Variants in RNLS observed in about 807,000 individuals in gnomAD.
RNLS encodes the protein renalase.
Under a neutral mutation model 39.8 loss-of-function variants are expected in RNLS, and 39 were observed. That is an observed-to-expected ratio of 0.98 (90% CI 0.76 to 1.28). The LOEUF (loss-of-function observed/expected upper bound fraction) is 1.28, where lower values mean the gene tolerates loss of function less well. Ranked by LOEUF, RNLS falls within the 50% of genes most tolerant of loss-of-function variation. RNLS has a pLI of 0.00. For synonymous variants in RNLS, 147 were observed against 150.7 expected (o/e 0.98, Z 0.18); for missense variants, 410 against 413.3 (o/e 0.99, Z 0.07).
the RNLS span, among the ~76,000 whole-genome samples, chr10:88,213,951 A>G: frequency 6.6e-6 from 1 of 152,204 alleles, no homozygotes; most frequent in Non-Finnish European, 1.5e-5. Context: ...CTTAAACAAA[A>G]AGGGAATTCA....
chr10:88,496,172 G>C (rs1440829060), intron 4 of RNLS, among the ~76,000 whole-genome samples: 1 of 152,042 alleles, frequency 6.6e-6, no homozygotes, highest in African/African-American at 2.4e-5. Context: ...ATCTATGAAA[G>C]GTAGAGAGCA....
intron 4 of RNLS, among the ~76,000 whole-genome samples, chr10:88,415,551 A>T (rs1853964564): frequency 6.6e-6 from 1 of 152,194 alleles, no homozygotes; most frequent in Non-Finnish European, 1.5e-5. Context: ...GAAAAACTAA[A>T]AAAATAAAAG....
intron 4 of RNLS, among the ~76,000 whole-genome samples, chr10:88,554,659 T>A (rs1194540055): frequency 2.0e-5 from 3 of 151,908 alleles, no homozygotes; most frequent in Non-Finnish European, 2.9e-5. Flanking sequence ...AAAAGTATCA[T>A]CTATCTGTGT....
At chr10:88,443,215 A>AT (rs1841830094) in intron 4 of RNLS, among the ~76,000 whole-genome samples, 1 of 152,054 alleles carries the variant, frequency 6.6e-6, no homozygotes, top group Non-Finnish European at 1.5e-5. Context: ...ATGCAATCCA[A>AT]TTTTTTACAT....
At chr10:88,175,207 T>G in the RNLS span, among the ~76,000 whole-genome samples, 2 of 152,120 alleles carry the variant, frequency 1.3e-5, no homozygotes, top group South Asian at 2.1e-4. Context: ...AAAAAATGAA[T>G]TTTTTGTTCA....
At chr10:88,222,336 T>C in the RNLS span, among the ~76,000 whole-genome samples, 11 of 152,148 alleles carry the variant, frequency 7.2e-5, no homozygotes, top group Non-Finnish European at 1.2e-4. Context: ...TTCTGTGTTA[T>C]GGCTAGTAGG....
chr10:88,217,737 T>TAAAAAAA, the RNLS span, among the ~76,000 whole-genome samples: 3 of 22,416 alleles, frequency 1.3e-4, no homozygotes, highest in African/African-American at 7.2e-4. Context: ...TGCCTTCAAA[T>TAAAAAAA]GAAAAAAAAA....
chr10:88,333,366 T>C (rs967990023), intron 5 of RNLS, among the ~76,000 whole-genome samples: 2 of 152,232 alleles, frequency 1.3e-5, no homozygotes, highest in African/African-American at 4.8e-5. Context: ...ACTGCTTTGG[T>C]ATCAGAACTG....
chr10:88,536,037 G>A lies in RNLS; in HGVS notation c.526+36866C>T, dbSNP rs2134261301. On this transcript the variant is annotated intron_variant, in intron 4 of 6. Transcript: ENST00000331772. ...GTATCTAGAGGTGATAAGGAGCATG[G>A]ACTTTCCAATCAGACAGGCCTGAGT... Among the ~76,000 whole-genome samples, 2 of 152,250 alleles carry A rather than the reference G, an allele frequency of 1.3e-5. 1 individual carries two copies. The highest frequency in any genetic ancestry group is 4.8e-5 in the African/African-American group (2 of 41,566).
chr10:88,401,836 G>T (rs1852938690), intron 4 of RNLS, among the ~76,000 whole-genome samples: 1 of 151,962 alleles, frequency 6.6e-6, no homozygotes. Flanking sequence ...AATTGGGAGG[G>T]TGTTTTGCCT....
chr10:88,291,747 A>G (rs976874106), intron 6 of RNLS, among the ~76,000 whole-genome samples: 11 of 152,008 alleles, frequency 7.2e-5, no homozygotes, highest in African/African-American at 2.4e-4. Context: ...AGCTTGATGC[A>G]TTGCCTTTCT....
chr10:88,240,122 C>T, the RNLS span, among the ~76,000 whole-genome samples: 17 of 152,278 alleles, frequency 1.1e-4, no homozygotes, highest in African/African-American at 3.9e-4. Context: ...ATACTTTTAT[C>T]AATAACATTG....
At chr10:88,468,658 C>A (rs547155524) in intron 4 of RNLS, among the ~76,000 whole-genome samples, 1 of 152,182 alleles carries the variant, frequency 6.6e-6, no homozygotes, top group South Asian at 2.1e-4. Flanking sequence ...GCTTTTACAC[C>A]AGGAAAACTC....
chr10:88,238,934 A>G, the RNLS span, among the ~76,000 whole-genome samples: 1 of 152,156 alleles, frequency 6.6e-6, no homozygotes, highest in South Asian at 2.1e-4. Flanking sequence ...TCCCTATGCC[A>G]GCCATGTGGT....
At chr10:88,582,440 G>C in intron 1 of RNLS, 133 bp from the exon 2 acceptor site, 1 of 646,572 alleles carries the variant, frequency 1.5e-6, no homozygotes, top group South Asian at 2.0e-5. Flanking sequence ...TGAAGTATTT[G>C]ATCAGATTGT....
At chr10:88,555,185 A>C (rs1028594758) in intron 4 of RNLS, among the ~76,000 whole-genome samples, 1 of 151,572 alleles carries the variant, frequency 6.6e-6, no homozygotes, top group Admixed American at 6.6e-5. Context: ...AGTGAGAAAC[A>C]CTGGTCTAAA....
intron 6 of RNLS, among the ~76,000 whole-genome samples, chr10:88,310,683 T>C (rs773236086): frequency 3.3e-5 from 5 of 150,268 alleles, no homozygotes; most frequent in Non-Finnish European, 5.9e-5. Context: ...TCCCAGCTAC[T>C]CAGGAGGCTG....
chr10:88,307,951 G>A (rs1845050657), intron 6 of RNLS, among the ~76,000 whole-genome samples: 1 of 152,126 alleles, frequency 6.6e-6, no homozygotes, highest in Non-Finnish European at 1.5e-5. Context: ...ATAGCCCAAT[G>A]GAACAGAATA....
intron 5 of RNLS, among the ~76,000 whole-genome samples, chr10:88,347,268 T>G (rs1318445320): frequency 6.6e-6 from 1 of 152,138 alleles, no homozygotes; most frequent in Non-Finnish European, 1.5e-5. Flanking sequence ...CCCAGAGTGT[T>G]GACAGCTTCA....
Sources: gnomAD v4.1 joint callset for allele counts (sites outside exome capture counted in the v4.1 genomes callset) on GRCh38, gnomAD v4.1.1 for gene constraint, MANE v1.5 for transcripts, NCBI Gene and HGNC (gene_info 2026-07-23, HGNC 2026-07-21) for gene names.